USP9X: variants seen among roughly 807,000 people sequenced by gnomAD.
The protein encoded by USP9X is ubiquitin specific peptidase 9 X-linked, also known as ubiquitin carboxyl-terminal hydrolase 9X.
In USP9X, 7 loss-of-function variants were observed where a neutral mutation model predicts 190.3. The observed-to-expected ratio is 0.04, with a 90% CI of 0.02 to 0.07. USP9X has a LOEUF of 0.07. Ranked by LOEUF, USP9X falls within the 10% of genes least tolerant of loss-of-function variation. The pLI, the probability that USP9X is intolerant of heterozygous loss-of-function variation, is 1.00. For synonymous variants in USP9X, 645 were observed against 659.5 expected, an observed-to-expected ratio of 0.98 and a Z score of 0.34; for missense variants, 1,010 against 1,916.9, an observed-to-expected ratio of 0.53 and a Z score of 8.83.
At chrX:41,161,939 C>G (rs930957090) in intron 14 of USP9X, among the ~76,000 whole-genome samples, 24 of 110,447 alleles carry the variant, frequency 2.2e-4, no homozygotes, top group African/African-American at 7.9e-4. Context: ...AAGTCCCAAT[C>G]TCTGATGAAA....
chrX:41,187,743 C>G (rs1472586921), intron 24 of USP9X, among the ~76,000 whole-genome samples: 1 of 110,722 alleles, frequency 9.0e-6, no homozygotes, highest in Non-Finnish European at 1.9e-5. Flanking sequence ...ATCTCTTGAG[C>G]CCAGGAGTTC....
At chrX:41,177,499 A>G (rs1396099452) in intron 21 of USP9X, among the ~76,000 whole-genome samples, 4 of 112,273 alleles carry the variant, frequency 3.6e-5, no homozygotes, top group Non-Finnish European at 5.6e-5. Flanking sequence ...CATCACATTG[A>G]GAGACACATG....
intron 2 of USP9X, among the ~76,000 whole-genome samples, chrX:41,125,684 A>ACACACACACTCTCT: frequency 0.012 from 228 of 18,989 alleles, 4 homozygotes; most frequent in East Asian, 0.018. Context: ...ACACACACAC[A>ACACACACACTCTCT]CTCTCTCTCT....
chrX:41,205,600 C>G (rs958173507), intron 32 of USP9X, 107 bp downstream of exon 32: 3 of 712,490 alleles, frequency 4.2e-6, no homozygotes, highest in African/African-American at 4.6e-5. Context: ...TTTTTAAGCA[C>G]TGGTAATATT....
intron 1 of USP9X, among the ~76,000 whole-genome samples, chrX:41,087,819 CTTTT>C (rs900648246): frequency 2.5e-4 from 28 of 111,867 alleles, no homozygotes; most frequent in African/African-American, 6.8e-4. Context: ...TCTCATGTTT[CTTTT>C]GTTTGCTGAC....
At chrX:41,192,896 C>T (rs1359070190) in intron 26 of USP9X, among the ~76,000 whole-genome samples, 1 of 110,923 alleles carries the variant, frequency 9.0e-6, no homozygotes, top group South Asian at 3.8e-4. Flanking sequence ...CTGTGTAGTA[C>T]GGGGCATGAG....
At chrX:41,114,321 TTG>T (rs2062131343) in intron 1 of USP9X, among the ~76,000 whole-genome samples, 1 of 111,839 alleles carries the variant, frequency 8.9e-6, no homozygotes, top group Non-Finnish European at 1.9e-5. Context: ...GTTGAATTGC[TTG>T]ATAGGTACCA....
chrX:41,134,901 G>A, intron 5 of USP9X, 64 bp downstream of exon 5: 3 of 842,804 alleles, frequency 3.6e-6, no homozygotes, highest in South Asian at 2.4e-5. Flanking sequence ...GTGGGAAGAG[G>A]TATATGTGTG....
At chrX:41,088,825 CTG>C (rs2061932512) in intron 1 of USP9X, among the ~76,000 whole-genome samples, 1 of 110,668 alleles carries the variant, frequency 9.0e-6, no homozygotes, top group African/African-American at 3.3e-5. Context: ...CTTTTAGGAG[CTG>C]TGTTTTTGAA....
At chrX:41,217,371 T>A in intron 36 of USP9X, 28 bp downstream of exon 36, 1 of 1,180,684 alleles carries the variant, frequency 8.5e-7, no homozygotes. Context: ...TTCATTCCTA[T>A]TATACTAATG....
rs188285876 is a variant in USP9X at position 41,205,030 on chromosome X, G to C, written c.4825-273G>C. 11 of 201,624 alleles carry C rather than the reference G, an allele frequency of 5.5e-5. 1 individual carries two copies. The highest frequency in any genetic ancestry group is 3.2e-4 in the African/African-American group (11 of 34,116). 16.6% of individuals were successfully genotyped at this position (201,624 alleles called of 1,213,427 possible). On this transcript the variant is annotated intron_variant, in intron 31 of 44. Transcript: ENST00000378308. ...AGTTACTTGGTTTATAAGTGGTAGA[G>C]CCTGCATTTATGTCTAGTTCAGTCT... is the stretch of plus-strand genomic sequence containing the variant.
intron 32 of USP9X, among the ~76,000 whole-genome samples, chrX:41,207,902 C>G (rs1253013718): frequency 9.0e-6 from 1 of 110,668 alleles, no homozygotes; most frequent in Non-Finnish European, 1.9e-5. Flanking sequence ...GCATACCATT[C>G]TCCCTCCTCT....
chrX:41,142,778 T>G (rs2062433939), intron 9 of USP9X, among the ~76,000 whole-genome samples: 1 of 112,209 alleles, frequency 8.9e-6, no homozygotes, highest in Non-Finnish European at 1.9e-5. Flanking sequence ...ATATTCCAAT[T>G]CTAGCATCTG....
intron 1 of USP9X, among the ~76,000 whole-genome samples, chrX:41,086,841 G>A (rs1042497028): frequency 8.9e-6 from 1 of 112,879 alleles, no homozygotes; most frequent in African/African-American, 3.2e-5. Context: ...ATATTAGCAT[G>A]TGCGAGTTTG....
At chrX:41,096,480 C>T (rs766083309) in intron 1 of USP9X, among the ~76,000 whole-genome samples, 2 of 111,651 alleles carry the variant, frequency 1.8e-5, no homozygotes, top group Admixed American at 9.5e-5. Context: ...TCTCGCTCTG[C>T]CGCCCAGGCT....
At position 41,109,104 on chromosome X, in the gene USP9X, G is replaced by A. The variant is rs763284156; in HGVS notation, c.-158-14367G>A. 3.6e-4 allele frequency among the ~76,000 whole-genome samples: 40 copies of A among 111,822 alleles called. 1 individual carries two copies. In the South Asian group the frequency reaches 0.011, roughly 30 times the overall value. ...CTGCTGAGCTGGCTCAAATGCCACAGACTATCCTTACTGAGATATGGTAGA... is the reference window on the plus strand; with the variant it reads ...CTGCTGAGCTGGCTCAAATGCCACAAACTATCCTTACTGAGATATGGTAGA... On this transcript the variant is annotated intron_variant, in intron 1 of 44. Coordinates refer to ENST00000378308, the MANE Select transcript of USP9X (RefSeq NM_001039591.3).
At chrX:41,120,377 T>C (rs1238491108) in intron 1 of USP9X, among the ~76,000 whole-genome samples, 1 of 112,602 alleles carries the variant, frequency 8.9e-6, no homozygotes, top group African/African-American at 3.2e-5. Flanking sequence ...AAAAGCTCTA[T>C]TTTAAAATTA....
At position 41,225,068 on chromosome X, in the gene USP9X, A is replaced by G; in HGVS notation, c.6992A>G (p.Tyr2331Cys). The G allele has an allele frequency of 8.3e-7, 1 of 1,211,890 alleles. No individual in the cohort carries two copies. Among genetic ancestry groups the G allele is most frequent in the Non-Finnish European group, 1.1e-6 (1 of 895,531 alleles). ...LLWQVAYSYT[Y>C]ELRPYLDLLL... ...TTTTAGGTTGCATATTCCTATACCT[A>G]TGAACTGCGGCCCTATTTGGATCTG... Residue 2331 changes from tyrosine to cysteine, a missense_variant, in exon 41 of 45, where the codon TAT (tyrosine) becomes TGT (cysteine). By Grantham distance (194) the Tyr-to-Cys change is radical (BLOSUM62 -2). Coordinates refer to ENST00000378308, the MANE Select transcript of USP9X (RefSeq NM_001039591.3).
intron 1 of USP9X, among the ~76,000 whole-genome samples, chrX:41,116,548 T>A (rs2062148759): frequency 8.9e-6 from 1 of 112,273 alleles, no homozygotes; most frequent in African/African-American, 3.2e-5. Flanking sequence ...TTAAGAAAAG[T>A]AGTGGTGTTA....
Sources: allele counts gnomAD v4.1 joint callset (sites outside exome capture counted in the v4.1 genomes callset), GRCh38; gene constraint gnomAD v4.1.1; transcripts MANE v1.5; gene names NCBI Gene and HGNC (gene_info 2026-07-23, HGNC 2026-07-21).